The following PTPRD variants were observed in gnomAD, a reference collection of about 807,000 sequenced individuals.
PTPRD encodes receptor-type tyrosine-protein phosphatase delta.
PTPRD carries 34 observed loss-of-function variants against 214.5 expected under a neutral mutation model. The observed-to-expected ratio is 0.16, with a 90% CI of 0.12 to 0.21. The LOEUF (loss-of-function observed/expected upper bound fraction) is 0.21, where lower values mean the gene tolerates loss of function less well. Ranked by LOEUF, PTPRD falls within the 10% of genes least tolerant of loss-of-function variation. PTPRD has a pLI of 1.00. For synonymous variants in PTPRD, 1,128 were observed against 845.7 expected (o/e 1.33, Z -5.79); for missense variants, 2,545 against 2,398.7 (o/e 1.06, Z -1.27).
At chr9:9,763,037 G>A (rs2098673810) in intron 6 of PTPRD, among the ~76,000 whole-genome samples, 1 of 152,146 alleles carries the variant, frequency 6.6e-6, no homozygotes, top group South Asian at 2.1e-4. Context: ...AGCAGAGAGG[G>A]AAAGAGAGAG....
Position 8,492,986 on chromosome 9 carries a change from T to C in PTPRD, c.2350-7A>G. On this transcript the variant is annotated splice_polypyrimidine_tract_variant and splice_region_variant and intron_variant, in intron 26 of 45. Coordinates refer to ENST00000381196, the MANE Select transcript of PTPRD (RefSeq NM_002839.4). ...GCCCAGAAATGATCATGTCCTGAAA[T>C]GACAAAATAGAATGTCACTGATTCA... is the stretch of plus-strand genomic sequence containing the variant. 1.2e-6 allele frequency: 2 copies of C among 1,602,126 alleles called. No homozygotes were observed. The highest frequency in any genetic ancestry group is 1.7e-5 in the Admixed American group (1 of 59,920).
At chr9:10,190,019 T>C (rs1383708381) in intron 3 of PTPRD, among the ~76,000 whole-genome samples, 3 of 152,040 alleles carry the variant, frequency 2.0e-5, no homozygotes, top group Admixed American at 1.3e-4. Flanking sequence ...ACCAACGACA[T>C]TCTGTTAAAG....
intron 11 of PTPRD, among the ~76,000 whole-genome samples, chr9:8,870,466 A>G (rs1388743662): frequency 2.0e-5 from 3 of 152,106 alleles, no homozygotes; most frequent in Non-Finnish European, 4.4e-5. Context: ...AAGGAAAAGG[A>G]AAGTGTGTGT....
chr9:10,542,123 T>C (rs2059245642), intron 2 of PTPRD, among the ~76,000 whole-genome samples: 1 of 152,238 alleles, frequency 6.6e-6, no homozygotes, highest in Non-Finnish European at 1.5e-5. Context: ...ATAAAAGACT[T>C]CAGATATAAT....
chr9:9,620,364 C>A (rs374245214), intron 7 of PTPRD, among the ~76,000 whole-genome samples: 54 of 152,154 alleles, frequency 3.5e-4, no homozygotes, highest in African/African-American at 1.2e-3. Flanking sequence ...AATGCTAGGC[C>A]GGTAAATAAG....
chr9:9,482,608 T>C lies in PTPRD; in HGVS notation c.-236-85126A>G, dbSNP rs150581138. 1.8e-3 allele frequency among the ~76,000 whole-genome samples: 276 copies of C among 152,262 alleles called. 1 individual carries two copies. The highest frequency in any genetic ancestry group is 5.9e-3 in the African/African-American group (246 of 41,528). On this transcript the variant is annotated intron_variant, in intron 8 of 45. Coordinates refer to ENST00000381196, the MANE Select transcript of PTPRD (RefSeq NM_002839.4). ...TGTACCAGCACTACAGATAGAATCA[T>C]AGTTCAGGTATTTACTGCCATTCTC...
intron 11 of PTPRD, among the ~76,000 whole-genome samples, chr9:8,874,180 C>A (rs116839033): frequency 6.6e-6 from 1 of 152,134 alleles, no homozygotes; most frequent in Non-Finnish European, 1.5e-5. Flanking sequence ...CCACATTTAA[C>A]GGTAATGAAA....
intron 2 of PTPRD, among the ~76,000 whole-genome samples, chr9:10,582,445 T>C (rs1322281): frequency 0.76 from 115,750 of 152,104 alleles, 44,239 homozygotes; most frequent in East Asian, 0.94. Flanking sequence ...AAATCCACTT[T>C]ACTCAGCTGT....
chr9:9,742,788 TC>T (rs1184320687), intron 6 of PTPRD, among the ~76,000 whole-genome samples: 3 of 152,178 alleles, frequency 2.0e-5, no homozygotes, highest in African/African-American at 7.2e-5. Flanking sequence ...TCTACTAGCT[TC>T]TTTTGACCAA....
chr9:8,405,960 T>C (rs1029968674), intron 35 of PTPRD, among the ~76,000 whole-genome samples: 3 of 151,896 alleles, frequency 2.0e-5, no homozygotes, highest in Non-Finnish European at 1.5e-5. Context: ...AGTCTGTTAG[T>C]AGTCTTGAAT....
At chr9:10,602,712 TTAAAA>T (rs1190392084) in intron 2 of PTPRD, among the ~76,000 whole-genome samples, 3 of 151,900 alleles carry the variant, frequency 2.0e-5, no homozygotes, top group Non-Finnish European at 2.9e-5. Flanking sequence ...ATAATTGTAA[TTAAAA>T]TGACTCTTAG....
intron 2 of PTPRD, among the ~76,000 whole-genome samples, chr9:10,512,018 G>GTATA (rs1184926342): frequency 3.6e-5 from 2 of 56,198 alleles, no homozygotes; most frequent in East Asian, 4.4e-4. Context: ...ATACGTGTGT[G>GTATA]TATATATATA....
At chr9:9,430,006 C>T (rs527453993) in intron 8 of PTPRD, among the ~76,000 whole-genome samples, 1 of 152,254 alleles carries the variant, frequency 6.6e-6, no homozygotes, top group East Asian at 1.9e-4. Flanking sequence ...CAGGGATGCC[C>T]TCTCTCACCA....
intron 8 of PTPRD, among the ~76,000 whole-genome samples, chr9:9,406,174 AAC>A (rs1008328242): frequency 8.6e-5 from 13 of 152,004 alleles, no homozygotes; most frequent in Non-Finnish European, 1.6e-4. Flanking sequence ...ATGTTTTTGA[AAC>A]ACATTAAAAT....
chr9:8,962,182 C>T (rs892030579), intron 11 of PTPRD: 3 of 152,104 alleles, frequency 2.0e-5, no homozygotes, highest in Non-Finnish European at 2.9e-5. Flanking sequence ...GAGACTCCTT[C>T]AAGGAAGGTA....
chr9:8,908,647 G>A (rs1361887941), intron 11 of PTPRD, among the ~76,000 whole-genome samples: 3 of 151,806 alleles, frequency 2.0e-5, no homozygotes, highest in Non-Finnish European at 2.9e-5. Flanking sequence ...AAGGAGAAAA[G>A]TCTCAAATCA....
chr9:9,057,203 A>T (rs1590725842), intron 10 of PTPRD, among the ~76,000 whole-genome samples: 1 of 152,342 alleles, frequency 6.6e-6, no homozygotes, highest in East Asian at 1.9e-4. Context: ...CAGTAAATCA[A>T]TGAACAAGTT....
At chr9:10,200,156 CTT>C (rs2099413916) in intron 3 of PTPRD, among the ~76,000 whole-genome samples, 1 of 152,084 alleles carries the variant, frequency 6.6e-6, no homozygotes, top group African/African-American at 2.4e-5. Flanking sequence ...TTACCTCCCT[CTT>C]GTTTCAGTAA....
chr9:9,553,578 T>C (rs2080842868), intron 8 of PTPRD, among the ~76,000 whole-genome samples: 1 of 152,066 alleles, frequency 6.6e-6, no homozygotes, highest in African/African-American at 2.4e-5. Context: ...GTTTTGGTGT[T>C]TCTAAATGAC....
Sources: gnomAD v4.1 joint callset for allele counts (sites outside exome capture counted in the v4.1 genomes callset) on GRCh38, gnomAD v4.1.1 for gene constraint, MANE v1.5 for transcripts, NCBI Gene and HGNC (gene_info 2026-07-23, HGNC 2026-07-21) for gene names.